The following DENND2A variants were observed in gnomAD, a reference collection of about 807,000 sequenced individuals.
DENND2A encodes DENN domain containing 2A.
In DENND2A, 53 loss-of-function variants were observed where a neutral mutation model predicts 105.3. That is an observed-to-expected ratio of 0.50 (90% confidence interval 0.40 to 0.63). DENND2A has a LOEUF of 0.63. Ranked by LOEUF, DENND2A falls within the 30% of genes least tolerant of loss-of-function variation. The pLI is 0.00. For missense variants in DENND2A, 1,138 were observed against 1,279.6 expected (o/e 0.89, Z 1.69); for synonymous variants, 522 against 508.4 (o/e 1.03, Z -0.36).
In DENND2A at chr7:140,615,452, G is replaced by A. The variant is rs142950926; in HGVS notation, c.-247-9646C>T. On this transcript the variant is annotated intron_variant, in intron 1 of 19. Transcript: ENST00000496613. ...ACCGCACATCAAGTCCTTAGAGCACGACACCAGGTAGATGGAGGCAGTACC... is the reference window on the plus strand; with the variant it reads ...ACCGCACATCAAGTCCTTAGAGCACAACACCAGGTAGATGGAGGCAGTACC... Among the ~76,000 whole-genome samples the A allele has an allele frequency of 4.4e-3, 672 of 151,912 alleles. 8 individuals carry two copies. Among genetic ancestry groups the A allele is most frequent in the Middle Eastern group, 0.01 (3 of 288 alleles).
At chr7:140,567,339 AG>A in intron 8 of DENND2A, 66 bp from the exon 9 acceptor site, 5 of 1,393,014 alleles carry the variant, frequency 3.6e-6, no homozygotes, top group Non-Finnish European at 4.8e-6. Context: ...AGAGAGAGAG[AG>A]AGAGACAGAG....
At chr7:140,520,985 C>T (rs1246039602) in intron 18 of DENND2A, among the ~76,000 whole-genome samples, 1 of 152,000 alleles carries the variant, frequency 6.6e-6, no homozygotes, top group Non-Finnish European at 1.5e-5. Context: ...AGCGATTCTC[C>T]TGCCTCAGTC....
intron 1 of DENND2A, among the ~76,000 whole-genome samples, chr7:140,630,049 C>T (rs1045035139): frequency 6.6e-5 from 10 of 151,606 alleles, no homozygotes; most frequent in Middle Eastern, 3.4e-3. Context: ...TTAGTGGAGA[C>T]GGGGTTTCAC....
At chr7:140,627,265 G>A (rs1351214091) in intron 1 of DENND2A, among the ~76,000 whole-genome samples, 4 of 151,968 alleles carry the variant, frequency 2.6e-5, no homozygotes, top group Non-Finnish European at 5.9e-5. Context: ...AGGTTGGAGT[G>A]CAGTGGCACA....
At chr7:140,545,348 G>T (rs918534227) in intron 13 of DENND2A, among the ~76,000 whole-genome samples, 2 of 152,036 alleles carry the variant, frequency 1.3e-5, no homozygotes, top group Non-Finnish European at 2.9e-5. Flanking sequence ...TTTGTGCTTT[G>T]TGTCTATATC....
At chr7:140,627,198 ATTTAT>A (rs1800562616) in intron 1 of DENND2A, among the ~76,000 whole-genome samples, 1 of 152,004 alleles carries the variant, frequency 6.6e-6, no homozygotes, top group African/African-American at 2.4e-5. Context: ...GTAAATATTT[ATTTAT>A]TTATTTTTAG....
chr7:140,527,831 T>G lies in DENND2A; in HGVS notation c.2328-336A>C, dbSNP rs1796121553. On this transcript the variant is annotated intron_variant, in intron 14 of 19. Coordinates refer to ENST00000496613, the MANE Select transcript of DENND2A (RefSeq NM_015689.5). This position sits in a 1 kb window ranked among gnomAD's most constrained non-coding sequence, Gnocchi z 4.9. ...GGTTTTTATTTATTATTTATTTATT[T>G]ATTTATATTTTTAATTTTTTTGAGA... Among the ~76,000 whole-genome samples the G allele has an allele frequency of 6.6e-6, 1 of 152,034 alleles. No individual in the cohort carries two copies. The highest frequency in any genetic ancestry group is 2.1e-4 in the South Asian group (1 of 4,828).
At chr7:140,610,815 G>A (rs749425399) in intron 1 of DENND2A, among the ~76,000 whole-genome samples, 3 of 152,222 alleles carry the variant, frequency 2.0e-5, no homozygotes, top group Non-Finnish European at 4.4e-5. Context: ...TGCCTGAGGG[G>A]AGAGGAGCGG....
chr7:140,575,543 A>G (rs1798263454), intron 5 of DENND2A, among the ~76,000 whole-genome samples: 1 of 152,228 alleles, frequency 6.6e-6, no homozygotes, highest in African/African-American at 2.4e-5. Context: ...TGTGCAAAGG[A>G]TATTGTACAT....
intron 14 of DENND2A, among the ~76,000 whole-genome samples, chr7:140,531,326 C>T (rs1294705231): frequency 6.6e-6 from 1 of 152,168 alleles, no homozygotes; most frequent in Non-Finnish European, 1.5e-5. Context: ...AAAATCAGAA[C>T]ATTCACATAC....
Position 140,559,668 on chromosome 7 carries a change from T to G in DENND2A, c.1889+40A>C. 6.8e-7 allele frequency: 1 copy of G among 1,479,840 alleles called. No homozygotes were observed. The highest frequency in any genetic ancestry group is 1.4e-5 in the African/African-American group (1 of 72,266). 91.7% of individuals were successfully genotyped at this position (1,479,840 alleles called of 1,614,324 possible). On this transcript the variant is annotated intron_variant, in intron 10 of 19. Transcript: ENST00000496613. This position sits in a 1 kb window ranked among gnomAD's most constrained non-coding sequence, Gnocchi z 4.1. ...TGTAACCCCGTCTCTAAGTCTCGCC[T>G]TAGTCTTTGGGGCTGCGAAGGGGAG...
chr7:140,533,869 G>A (rs1796358894), intron 14 of DENND2A, among the ~76,000 whole-genome samples: 1 of 152,120 alleles, frequency 6.6e-6, no homozygotes, highest in Admixed American at 6.6e-5. Context: ...ACGGCAACAA[G>A]CAGGCAGGTG....
chr7:140,621,939 A>T (rs1007134221), intron 1 of DENND2A, among the ~76,000 whole-genome samples: 1 of 152,178 alleles, frequency 6.6e-6, no homozygotes, highest in African/African-American at 2.4e-5. Context: ...CACTGAATGA[A>T]AAGCAACACT....
chr7:140,540,724 CTT>C (rs375517319), intron 14 of DENND2A, among the ~76,000 whole-genome samples: 2 of 146,310 alleles, frequency 1.4e-5, no homozygotes, highest in Admixed American at 6.9e-5. Context: ...TTCTTTCTTT[CTT>C]TTTTTTTTTT....
intron 3 of DENND2A, among the ~76,000 whole-genome samples, chr7:140,594,904 T>C (rs1346490136): frequency 4.6e-5 from 7 of 151,324 alleles, no homozygotes; most frequent in African/African-American, 1.7e-4. Context: ...TTAGTAGAGA[T>C]GGGGTTGCAC....
chr7:140,518,442 T>A lies in DENND2A; in HGVS notation c.*265A>T, dbSNP rs1394694918. On this transcript the variant is annotated 3_prime_UTR_variant, in exon 20 of 20. Coordinates refer to ENST00000496613, the MANE Select transcript of DENND2A (RefSeq NM_015689.5). ...ACACATTTTTCTTACTTTTAATATCTAAGATAAAAAAAAAAACCCAACCAC... is the reference window on the plus strand; with the variant it reads ...ACACATTTTTCTTACTTTTAATATCAAAGATAAAAAAAAAAACCCAACCAC... 4.9e-6 allele frequency: 2 copies of A among 407,012 alleles called. No homozygotes were observed. The highest frequency in any genetic ancestry group is 8.6e-6 in the Non-Finnish European group (2 of 232,656). 25.2% of individuals were successfully genotyped at this position (407,012 alleles called of 1,614,324 possible). A position where few individuals can be genotyped will look rare whatever the true frequency, so the allele number is the denominator to read the frequency against.
chr7:140,574,460 C>G (rs1563151995), intron 5 of DENND2A, among the ~76,000 whole-genome samples: 1 of 152,080 alleles, frequency 6.6e-6, no homozygotes, highest in Non-Finnish European at 1.5e-5. Context: ...CTCAGGCAAT[C>G]CGCCTGCCTC....
intron 13 of DENND2A, among the ~76,000 whole-genome samples, chr7:140,546,298 G>A (rs1012066971): frequency 6.6e-6 from 1 of 151,990 alleles, no homozygotes; most frequent in African/African-American, 2.4e-5. Context: ...GGCACCTGTA[G>A]TCTCAGCTAC....
Position 140,567,262 on chromosome 7 carries a change from G to T in DENND2A, c.1603C>A (p.Arg535Ser). 6 of 1,608,116 alleles carry T rather than the reference G, an allele frequency of 3.7e-6. No homozygotes were observed. Among genetic ancestry groups the T allele is most frequent in the Non-Finnish European group, 5.1e-6 (6 of 1,177,498 alleles). The part of the protein sequence containing the change: ...TEEKLKAHSQ[R>S]LVNVKSRLKQ... ...AGCCGGGACTTCACGTTGACCAGGCGCTGGCTGTGAGCTGGGTGAGGGAGG... is the reference window on the plus strand; with the variant it reads ...AGCCGGGACTTCACGTTGACCAGGCTCTGGCTGTGAGCTGGGTGAGGGAGG... Residue 535 changes from arginine to serine, a missense_variant, in exon 9 of 20, where the codon CGC becomes AGC. Physicochemically the swap from Arg to Ser is moderately radical, Grantham distance 110 (BLOSUM62 -1). Around this residue, in one of 2 missense-constraint regions of DENND2A, gnomAD observed 627 missense variants for 779.8 expected, o/e 0.80. Coordinates refer to ENST00000496613, the MANE Select transcript of DENND2A (RefSeq NM_015689.5).
Sources: gnomAD v4.1 joint callset for allele counts (sites outside exome capture counted in the v4.1 genomes callset) on GRCh38, gnomAD v4.1.1 for gene constraint, gnomAD v4.1.1 regional missense constraint, Gnocchi (gnomAD v3.1) non-coding constraint, MANE v1.5 for transcripts, NCBI Gene and HGNC (gene_info 2026-07-23, HGNC 2026-07-21) for gene names.